TRPC5: variants seen among roughly 807,000 people sequenced by gnomAD.
The protein encoded by TRPC5 is transient receptor potential cation channel subfamily C member 5.
Under a neutral mutation model 56.5 loss-of-function variants are expected in TRPC5, and 9 were observed. The observed-to-expected ratio is 0.16, with a 90% CI of 0.10 to 0.28. The LOEUF is 0.28. TRPC5 is among the 10% of genes least tolerant of loss of function. The probability of loss-of-function intolerance (pLI) is 1.00; values close to 1 mark genes in which losing one functional copy is unlikely to be tolerated. For missense variants in TRPC5, 469 were observed against 748.9 expected, an observed-to-expected ratio of 0.63 and a Z score of 4.36; for synonymous variants, 282 against 278.5, an observed-to-expected ratio of 1.01 and a Z score of -0.13.
At chrX:111,908,538 A>G (rs1925703261) in intron 3 of TRPC5, among the ~76,000 whole-genome samples, 1 of 111,249 alleles carries the variant, frequency 9.0e-6, no homozygotes, top group Admixed American at 9.6e-5. Context: ...ATCACTATTG[A>G]CATTGAAGTT....
At position 111,773,274 on chromosome X, in the gene TRPC5, G is replaced by A. The variant is rs1484003936; in HGVS notation, c.*3039C>T. Among the ~76,000 whole-genome samples, 1 of 111,888 alleles carries A rather than the reference G, an allele frequency of 8.9e-6. No individual in the cohort carries two copies. Among genetic ancestry groups the A allele is most frequent in the Non-Finnish European group, 1.9e-5 (1 of 53,157 alleles). On this transcript the variant is annotated 3_prime_UTR_variant, in exon 11 of 11. Transcript: ENST00000262839. ...TTTCACTGGACATAAAGCTGGAAGT[G>A]GAGATATTTCAACAATGGTCACTTT... is the stretch of plus-strand genomic sequence containing the variant.
intron 3 of TRPC5, among the ~76,000 whole-genome samples, chrX:111,860,830 T>G (rs917694482): frequency 5.3e-5 from 6 of 112,220 alleles, no homozygotes; most frequent in African/African-American, 9.7e-5. Flanking sequence ...TTTACCTCTT[T>G]TTTGGATGGT....
intron 6 of TRPC5, among the ~76,000 whole-genome samples, chrX:111,839,391 C>A (rs1228710204): frequency 8.9e-6 from 1 of 111,922 alleles, no homozygotes; most frequent in Non-Finnish European, 1.9e-5. Flanking sequence ...TAAGCGAGAA[C>A]TTTAGACCCC....
chrX:111,885,609 T>G (rs1045278637), intron 3 of TRPC5, among the ~76,000 whole-genome samples: 16 of 110,255 alleles, frequency 1.5e-4, no homozygotes, highest in African/African-American at 5.3e-4. Context: ...TAAAACACAT[T>G]CATAACATTA....
At chrX:112,008,686 C>T (rs1449302624) in intron 1 of TRPC5, among the ~76,000 whole-genome samples, 1 of 110,556 alleles carries the variant, frequency 9.0e-6, no homozygotes, top group African/African-American at 3.3e-5. Context: ...GCTGTGTGAC[C>T]TCTGGCCTGC....
At chrX:111,940,465 C>T (rs1356892353) in intron 2 of TRPC5, among the ~76,000 whole-genome samples, 3 of 110,774 alleles carry the variant, frequency 2.7e-5, no homozygotes, top group South Asian at 7.7e-4. Context: ...CTGAGGTGGG[C>T]GGATCACCAG....
Position 111,774,453 on chromosome X carries a change from G to C in TRPC5, c.*1860C>G, listed in dbSNP as rs1373874929. On this transcript the variant is annotated 3_prime_UTR_variant, in exon 11 of 11. Coordinates refer to ENST00000262839, the MANE Select transcript of TRPC5 (RefSeq NM_012471.3). ...TGATTAAATGTCAAGGCCATTTTAT[G>C]ACAGTCTTAGCGAAGCAGGGGAGAA... The C allele has an allele frequency of 2.7e-5, 3 of 111,775 alleles. No individual in the cohort carries two copies. The highest frequency in any genetic ancestry group is 5.6e-5 in the Non-Finnish European group (3 of 53,128). The allele number at this position is 111,775 out of a possible 1,213,427, so 9.2% of individuals were successfully genotyped here.
At chrX:111,891,527 G>T (rs1251963352) in intron 3 of TRPC5, among the ~76,000 whole-genome samples, 1 of 110,854 alleles carries the variant, frequency 9.0e-6, no homozygotes, top group South Asian at 3.8e-4. Flanking sequence ...TGCTACACAG[G>T]ATTATTTTGT....
intron 1 of TRPC5, among the ~76,000 whole-genome samples, chrX:111,953,146 T>C (rs1018109104): frequency 8.9e-6 from 1 of 111,935 alleles, no homozygotes; most frequent in Non-Finnish European, 1.9e-5. Flanking sequence ...TTGACTCCAA[T>C]AGGCCAAAGC....
intron 1 of TRPC5, among the ~76,000 whole-genome samples, chrX:111,952,961 A>T (rs1346680419): frequency 8.9e-6 from 1 of 111,904 alleles, no homozygotes. Context: ...CTGATTAGTG[A>T]TGCAAAGTTG....
At chrX:111,803,827 T>C (rs1921401880) in intron 7 of TRPC5, among the ~76,000 whole-genome samples, 1 of 112,189 alleles carries the variant, frequency 8.9e-6, no homozygotes, top group Non-Finnish European at 1.9e-5. Context: ...GATAGTTTCT[T>C]TTGCTGTGCA....
At chrX:112,045,070 G>A (rs1251947633) in intron 1 of TRPC5, among the ~76,000 whole-genome samples, 4 of 112,137 alleles carry the variant, frequency 3.6e-5, no homozygotes, top group African/African-American at 9.7e-5. Flanking sequence ...TAGTCCTTCC[G>A]TTCCCCCATA....
chrX:112,051,243 CT>C (rs1453485178), intron 1 of TRPC5, among the ~76,000 whole-genome samples: 3 of 112,347 alleles, frequency 2.7e-5, no homozygotes, highest in African/African-American at 9.7e-5. Context: ...CTATTTCCTT[CT>C]CTTGTTCCTC....
chrX:111,832,361 T>A (rs1016970078), intron 7 of TRPC5, among the ~76,000 whole-genome samples: 1 of 112,198 alleles, frequency 8.9e-6, no homozygotes, highest in Non-Finnish European at 1.9e-5. Context: ...AGATTCACAG[T>A]GAGGCATGTT....
chrX:111,804,163 A>T (rs1216177975), intron 7 of TRPC5, among the ~76,000 whole-genome samples: 1 of 111,470 alleles, frequency 9.0e-6, no homozygotes, highest in African/African-American at 3.3e-5. Flanking sequence ...ATGGTTGTAG[A>T]TGTGTGGTGT....
intron 1 of TRPC5, among the ~76,000 whole-genome samples, chrX:111,971,420 G>A (rs1449213926): frequency 1.8e-5 from 2 of 111,247 alleles, no homozygotes; most frequent in Non-Finnish European, 3.8e-5. Flanking sequence ...TTTGACACTG[G>A]GGCGGGGGCA....
intron 1 of TRPC5, among the ~76,000 whole-genome samples, chrX:111,958,075 T>G (rs2148641135): frequency 8.9e-6 from 1 of 111,815 alleles, no homozygotes. Flanking sequence ...AACACAATGG[T>G]ATTTAAGAAC....
chrX:111,918,442 G>A lies in TRPC5; in HGVS notation c.379-5630C>T, dbSNP rs373277871. On this transcript the variant is annotated intron_variant, in intron 2 of 10. Coordinates refer to ENST00000262839, the MANE Select transcript of TRPC5 (RefSeq NM_012471.3). The stretch of plus-strand genomic sequence containing the variant: ...AGGAAAGTAAAAGGATGGCCTAGCA[G>A]TCCTGAAGTCTTGGGTAAATTAGCA... Among the ~76,000 whole-genome samples the A allele has an allele frequency of 1.4e-4, 16 of 111,255 alleles. No individual in the cohort carries two copies. In the East Asian group the frequency reaches 3.1e-3, roughly 22 times the overall value.
intron 1 of TRPC5, among the ~76,000 whole-genome samples, chrX:111,979,976 A>G (rs1297495191): frequency 1.8e-5 from 2 of 111,756 alleles, no homozygotes; most frequent in Non-Finnish European, 3.8e-5. Flanking sequence ...CTAAGTAGTT[A>G]TCCCAGAAAA....
Sources: gnomAD v4.1 joint callset for allele counts (sites outside exome capture counted in the v4.1 genomes callset) on GRCh38, gnomAD v4.1.1 for gene constraint, MANE v1.5 for transcripts, NCBI Gene and HGNC (gene_info 2026-07-23, HGNC 2026-07-21) for gene names.